FSTL4: variants seen among roughly 807,000 people sequenced by gnomAD.
FSTL4 encodes follistatin like 4.
Under a neutral mutation model 78.2 loss-of-function variants are expected in FSTL4, and 28 were observed. That is an observed-to-expected ratio of 0.36 (90% CI 0.27 to 0.49). The LOEUF is 0.49. Ranked by LOEUF, FSTL4 falls within the 20% of genes least tolerant of loss-of-function variation. The pLI, the probability that FSTL4 is intolerant of heterozygous loss-of-function variation, is 0.98. For synonymous variants in FSTL4, 422 were observed against 440.5 expected (o/e 0.96, Z 0.53); for missense variants, 922 against 1,084.9 (o/e 0.85, Z 2.11).
intron 1 of FSTL4, among the ~76,000 whole-genome samples, chr5:133,607,953 G>A (rs943338009): frequency 9.2e-5 from 14 of 152,160 alleles, no homozygotes; most frequent in Admixed American, 6.5e-4. Flanking sequence ...AAGATGCACA[G>A]AATCCCAGGC....
intron 2 of FSTL4, among the ~76,000 whole-genome samples, chr5:133,573,680 G>T (rs114557856): frequency 6.6e-6 from 1 of 152,096 alleles, no homozygotes; most frequent in East Asian, 1.9e-4. Context: ...GAGGAAAAAA[G>T]CATCAGTAAG....
intron 3 of FSTL4, among the ~76,000 whole-genome samples, chr5:133,412,712 AC>A (rs1233975085): frequency 2.0e-5 from 3 of 152,062 alleles, no homozygotes; most frequent in African/African-American, 7.2e-5. Flanking sequence ...CCACACAGAG[AC>A]CGTCATTAGC....
chr5:133,656,143 G>A, the FSTL4 span, among the ~76,000 whole-genome samples: 2 of 152,240 alleles, frequency 1.3e-5, no homozygotes, highest in South Asian at 4.1e-4. Context: ...TATTTAAGAG[G>A]TACATCTCAG....
chr5:133,232,399 C>T (rs985438305), intron 8 of FSTL4, among the ~76,000 whole-genome samples: 2 of 151,104 alleles, frequency 1.3e-5, no homozygotes, highest in East Asian at 1.9e-4. Context: ...TTGGCTTGAA[C>T]GTTTTCTCTG....
rs1302805304 is a variant in FSTL4, at chr5:133,514,069, C to T, written c.160+53117G>A. ...TGGTGGGCGCCTGTAGTCCCAGCTA[C>T]TCGAGAGGCTGAGGCAGGAGAATGG... On this transcript the variant is annotated intron_variant, in intron 3 of 15. Coordinates refer to ENST00000265342, the MANE Select transcript of FSTL4 (RefSeq NM_015082.2). Among the ~76,000 whole-genome samples the T allele has an allele frequency of 2.0e-5, 3 of 151,786 alleles. No homozygotes were observed. In the East Asian group the frequency reaches 5.8e-4, roughly 29 times the overall value.
In FSTL4 at chr5:133,225,890, G is replaced by C; in HGVS notation, c.1016-71C>G. The C allele has an allele frequency of 7.9e-7, 1 of 1,269,170 alleles. No individual in the cohort carries two copies. Among genetic ancestry groups the C allele is most frequent in the Non-Finnish European group, 1.1e-6 (1 of 951,432 alleles). The allele number at this position is 1,269,170 out of a possible 1,614,324, so 78.6% of individuals were successfully genotyped here. A position where few individuals can be genotyped will look rare whatever the true frequency, so the allele number is the denominator to read the frequency against. On this transcript the variant is annotated intron_variant, in intron 8 of 15. Coordinates refer to ENST00000265342, the MANE Select transcript of FSTL4 (RefSeq NM_015082.2). This position sits in a 1 kb window ranked among gnomAD's most constrained non-coding sequence, Gnocchi z 4.6. ...TGGACTTGGGCCTGTGGCCCAACCTGAGACCCTGCTCCAGAGGGGGTGAAC... is the reference window on the plus strand; with the variant it reads ...TGGACTTGGGCCTGTGGCCCAACCTCAGACCCTGCTCCAGAGGGGGTGAAC...
chr5:133,552,300 A>T (rs145030999), intron 3 of FSTL4, among the ~76,000 whole-genome samples: 3 of 152,202 alleles, frequency 2.0e-5, no homozygotes, highest in Non-Finnish European at 4.4e-5. Flanking sequence ...TGGAATTTCT[A>T]CTTGGTCATA....
intron 4 of FSTL4, 116 bp downstream of exon 4, chr5:133,400,622 T>C: frequency 2.1e-6 from 2 of 958,954 alleles, no homozygotes; most frequent in Non-Finnish European, 1.6e-6. Context: ...CCAGTCTTTG[T>C]CTTTATTTCC....
chr5:133,683,750 T>C, the FSTL4 span, among the ~76,000 whole-genome samples: 1 of 152,176 alleles, frequency 6.6e-6, no homozygotes, highest in African/African-American at 2.4e-5. Context: ...TCAGGAATGC[T>C]GTGTTCGGTA....
chr5:133,399,091 C>A (rs1756152613), intron 4 of FSTL4, among the ~76,000 whole-genome samples: 1 of 152,068 alleles, frequency 6.6e-6, no homozygotes, highest in Non-Finnish European at 1.5e-5. Context: ...GTTTGAATAA[C>A]CAATGGTGAG....
intron 3 of FSTL4, among the ~76,000 whole-genome samples, chr5:133,482,544 T>C (rs1435255044): frequency 6.6e-6 from 1 of 152,206 alleles, no homozygotes; most frequent in East Asian, 1.9e-4. Flanking sequence ...ACCTTGCCCA[T>C]GGTGCACTTC....
chr5:133,358,591 CTT>C (rs1173835923), intron 4 of FSTL4, among the ~76,000 whole-genome samples: 2,515 of 115,322 alleles, frequency 0.022, 29 homozygotes, highest in African/African-American at 0.049. Context: ...GGTTCTATTT[CTT>C]TTTTTTTTTT....
intron 3 of FSTL4, among the ~76,000 whole-genome samples, chr5:133,520,848 G>A (rs1039425209): frequency 6.6e-6 from 1 of 152,116 alleles, no homozygotes; most frequent in Non-Finnish European, 1.5e-5. Flanking sequence ...TGATGGGATG[G>A]AGGGGTGGGT....
the FSTL4 span, among the ~76,000 whole-genome samples, chr5:133,709,309 G>A: frequency 1.3e-5 from 2 of 152,228 alleles, no homozygotes; most frequent in East Asian, 1.9e-4. Flanking sequence ...CCAATCTTGA[G>A]ACACCAGCTG....
the FSTL4 span, among the ~76,000 whole-genome samples, chr5:133,740,475 G>A: frequency 7.2e-5 from 11 of 152,058 alleles, no homozygotes; most frequent in African/African-American, 1.4e-4. Context: ...ACTCCTCACC[G>A]CAGGCCACGT....
At chr5:133,811,201 C>G in the FSTL4 span, among the ~76,000 whole-genome samples, 1 of 152,146 alleles carries the variant, frequency 6.6e-6, no homozygotes, top group African/African-American at 2.4e-5. Context: ...CTGATATAGA[C>G]AATTAGCAAG....
At chr5:133,687,214 G>T in the FSTL4 span, among the ~76,000 whole-genome samples, 7 of 70,282 alleles carry the variant, frequency 1.0e-4, no homozygotes, top group East Asian at 3.4e-4. Flanking sequence ...GGCTAAATAG[G>T]GGGGGCATGG....
intron 3 of FSTL4, among the ~76,000 whole-genome samples, chr5:133,452,769 C>A (rs1757410323): frequency 1.3e-5 from 2 of 152,226 alleles, no homozygotes; most frequent in African/African-American, 2.4e-5. Flanking sequence ...CTTCCAGGGA[C>A]CCCAGGCAGC....
At chr5:133,773,850 T>C in the FSTL4 span, among the ~76,000 whole-genome samples, 3 of 152,352 alleles carry the variant, frequency 2.0e-5, no homozygotes, top group African/African-American at 7.2e-5. Context: ...AATTTGAAGA[T>C]TGGGTTACTC....
Sources: allele counts gnomAD v4.1 joint callset (sites outside exome capture counted in the v4.1 genomes callset), GRCh38; gene constraint gnomAD v4.1.1; non-coding constraint Gnocchi (gnomAD v3.1); transcripts MANE v1.5; gene names NCBI Gene and HGNC (gene_info 2026-07-23, HGNC 2026-07-21).